The following DCDC2 variants were observed in gnomAD, a reference collection of about 807,000 sequenced individuals.
DCDC2 encodes the protein doublecortin domain containing 2.
Under a neutral mutation model 50.2 loss-of-function variants are expected in DCDC2, and 40 were observed. The ratio of observed to expected loss-of-function variants is 0.80; its 90% CI spans 0.62 to 1.04. The LOEUF is 1.04. Ranked by LOEUF, DCDC2 falls within the 50% of genes least tolerant of loss-of-function variation. The pLI is 0.00. For missense variants in DCDC2, 570 were observed against 581.9 expected, an observed-to-expected ratio of 0.98 and a Z score of 0.21; for synonymous variants, 234 against 210.6, an observed-to-expected ratio of 1.11 and a Z score of -0.96.
intron 7 of DCDC2, among the ~76,000 whole-genome samples, chr6:24,233,200 T>C (rs1354580431): frequency 6.6e-6 from 1 of 152,214 alleles, no homozygotes; most frequent in Non-Finnish European, 1.5e-5. Flanking sequence ...ATTTCCAGAA[T>C]AGTCCTACTG....
At chr6:24,307,190 C>T (rs1294982080) in intron 2 of DCDC2, among the ~76,000 whole-genome samples, 1 of 152,076 alleles carries the variant, frequency 6.6e-6, no homozygotes, top group Non-Finnish European at 1.5e-5. Flanking sequence ...TTCTGAGAAT[C>T]CCTCTGCCTC....
chr6:24,354,557 T>G (rs1440624131), intron 1 of DCDC2, among the ~76,000 whole-genome samples: 1 of 152,140 alleles, frequency 6.6e-6, no homozygotes, highest in Non-Finnish European at 1.5e-5. Flanking sequence ...ACAATGCCCC[T>G]ATATAAAAGT....
At chr6:24,339,712 T>C (rs971370319) in intron 2 of DCDC2, among the ~76,000 whole-genome samples, 1 of 152,226 alleles carries the variant, frequency 6.6e-6, no homozygotes, top group Non-Finnish European at 1.5e-5. Flanking sequence ...TAATTCTGTC[T>C]GTGTACTCAG....
At chr6:24,282,993 T>G (rs1023994986) in intron 6 of DCDC2, among the ~76,000 whole-genome samples, 29 of 149,608 alleles carry the variant, frequency 1.9e-4, no homozygotes, top group Non-Finnish European at 3.9e-4. Flanking sequence ...GTCAAAACCG[T>G]AGAAATCATA....
At chr6:24,213,891 A>G (rs1434997944) in intron 7 of DCDC2, among the ~76,000 whole-genome samples, 2 of 152,188 alleles carry the variant, frequency 1.3e-5, no homozygotes, top group Admixed American at 1.3e-4. Context: ...ATCATAAGGA[A>G]GACTGAAAAA....
chr6:24,238,956 T>A (rs1458563658), intron 7 of DCDC2, among the ~76,000 whole-genome samples: 1 of 152,180 alleles, frequency 6.6e-6, no homozygotes, highest in Non-Finnish European at 1.5e-5. Flanking sequence ...AGTATTAGCT[T>A]TAAAAGCTTT....
rs748032288 is a variant in DCDC2, at chr6:24,291,078, C to G, written c.558G>C (p.Arg186Ser). 18 of 1,608,034 alleles carry G rather than the reference C, an allele frequency of 1.1e-5. No homozygotes were observed. The highest frequency in any genetic ancestry group is 4.5e-5 in the South Asian group (4 of 89,264). The change falls in exon 5 of 10, where the codon AGG (arginine) becomes AGC (serine). Residue 186 changes from arginine (R) to serine (S), a missense_variant and splice_region_variant. Arg to Ser is a moderately radical substitution (Grantham distance 110). Coordinates refer to ENST00000378454, the MANE Select transcript of DCDC2 (RefSeq NM_016356.5). ...KITLRSGAVH[R>S]LYTLEGKLVE... ...CAAGTTTTCCTTCTAAAGTATAAAG[C>G]CTGTCGAAAATATGAACACCAACAA... is the stretch of plus-strand genomic sequence containing the variant.
chr6:24,238,752 C>T (rs1296706657), intron 7 of DCDC2, among the ~76,000 whole-genome samples: 1 of 152,164 alleles, frequency 6.6e-6, no homozygotes, highest in African/African-American at 2.4e-5. Context: ...AAAGGATTAT[C>T]AGATGGAAGA....
chr6:24,198,609 T>G (rs1311457881), intron 8 of DCDC2, among the ~76,000 whole-genome samples: 2 of 142,530 alleles, frequency 1.4e-5, no homozygotes, highest in African/African-American at 5.2e-5. Flanking sequence ...CTAGCTACAG[T>G]TTTTTTTTTT....
intron 2 of DCDC2, among the ~76,000 whole-genome samples, chr6:24,327,761 C>T (rs1759900461): frequency 6.6e-6 from 1 of 152,076 alleles, no homozygotes; most frequent in Admixed American, 6.6e-5. Context: ...AAGTGTGAGC[C>T]ACCGCGCCTG....
rs549727155 is a variant in DCDC2 at position 24,202,691 on chromosome 6, A to T, written c.1023+2311T>A. On this transcript the variant is annotated intron_variant, in intron 8 of 9. Transcript: ENST00000378454. ...ATAGAAATAGGAAGAGAGGAAGTCA[A>T]ATTGTCTGTCTTTGTGGATGACATG... is the stretch of plus-strand genomic sequence containing the variant. Among the ~76,000 whole-genome samples the T allele has an allele frequency of 2.0e-5, 3 of 152,308 alleles. No individual in the cohort carries two copies. The East Asian group carries it at 5.8e-4, about 29-fold the overall frequency.
intron 7 of DCDC2, among the ~76,000 whole-genome samples, chr6:24,218,140 A>G (rs974778140): frequency 1.3e-5 from 2 of 152,228 alleles, no homozygotes; most frequent in African/African-American, 4.8e-5. Context: ...CAAAATGACT[A>G]TATGTTAATT....
intron 7 of DCDC2, among the ~76,000 whole-genome samples, chr6:24,255,258 C>A (rs1218963203): frequency 6.6e-6 from 1 of 151,674 alleles, no homozygotes; most frequent in Admixed American, 6.6e-5. Flanking sequence ...ACTAGATATT[C>A]ACATGGAGAA....
chr6:24,375,841 G>T, the DCDC2 span, among the ~76,000 whole-genome samples: 1 of 97,220 alleles, frequency 1.0e-5, no homozygotes, highest in African/African-American at 2.9e-5. Flanking sequence ...GAGATGAAAA[G>T]GGAGAGTAAG....
intron 7 of DCDC2, among the ~76,000 whole-genome samples, chr6:24,240,515 C>T (rs1762543096): frequency 6.6e-6 from 1 of 152,094 alleles, no homozygotes; most frequent in Admixed American, 6.5e-5. Flanking sequence ...AAGCTGTTTC[C>T]ACCAGTTAAT....
intron 7 of DCDC2, among the ~76,000 whole-genome samples, chr6:24,263,524 T>C (rs1763055387): frequency 6.6e-6 from 1 of 152,128 alleles, no homozygotes; most frequent in Non-Finnish European, 1.5e-5. Flanking sequence ...ATGAGATAAA[T>C]TTAACAAGAC....
intron 2 of DCDC2, among the ~76,000 whole-genome samples, chr6:24,346,164 A>T (rs1760250863): frequency 6.6e-6 from 1 of 152,240 alleles, no homozygotes; most frequent in South Asian, 2.1e-4. Flanking sequence ...AAAAAAAAAA[A>T]AAAAAATGTA....
rs527396151 is a variant in DCDC2, at chr6:24,256,516, A to G, written c.922+21533T>C. Reference sequence around the variant, plus strand: ...CTGTTGCGTGTGTGTGTGTCCGTGTAAACAGCTGGATGCTCAGATGAGAAG... The same window carrying G: ...CTGTTGCGTGTGTGTGTGTCCGTGTGAACAGCTGGATGCTCAGATGAGAAG... On this transcript the variant is annotated intron_variant, in intron 7 of 9. Transcript: ENST00000378454. Among the ~76,000 whole-genome samples the G allele has an allele frequency of 3.3e-5, 5 of 152,302 alleles. No individual in the cohort carries two copies. In the South Asian group the frequency reaches 1.0e-3, roughly 32 times the overall value.
At chr6:24,213,356 G>C (rs1581590292) in intron 7 of DCDC2, among the ~76,000 whole-genome samples, 1 of 152,066 alleles carries the variant, frequency 6.6e-6, no homozygotes, top group Non-Finnish European at 1.5e-5. Context: ...TTAAAACAAA[G>C]TGTTAATTTT....
Sources: gnomAD v4.1 joint callset for allele counts (sites outside exome capture counted in the v4.1 genomes callset) on GRCh38, gnomAD v4.1.1 for gene constraint, MANE v1.5 for transcripts, NCBI Gene and HGNC (gene_info 2026-07-23, HGNC 2026-07-21) for gene names.